Variants in ADGRV1 observed in about 807,000 individuals in gnomAD.
ADGRV1 encodes G-protein coupled receptor 98.
A neutral mutation model predicts 596.2 loss-of-function variants in ADGRV1; 359 were observed. The observed-to-expected ratio is 0.60, with a 90% CI of 0.55 to 0.66. The LOEUF (loss-of-function observed/expected upper bound fraction) is 0.66, where lower values mean the gene tolerates loss of function less well. ADGRV1 is among the 30% of genes least tolerant of loss of function. The pLI is 0.00. For synonymous variants in ADGRV1, 2,681 were observed against 2,679.2 expected (o/e 1.00, Z -0.02); for missense variants, 7,274 against 7,575.6 (o/e 0.96, Z 1.48).
intron 85 of ADGRV1, among the ~76,000 whole-genome samples, chr5:91,030,816 C>A (rs549078368): frequency 2.0e-5 from 3 of 152,218 alleles, no homozygotes; most frequent in South Asian, 2.1e-4. Flanking sequence ...TCAGGCTTTA[C>A]CTAAAAATTC....
At position 90,927,032 on chromosome 5, in the gene ADGRV1, C is replaced by T. The variant is rs543994570; in HGVS notation, c.17857-38383C>T. On this transcript the variant is annotated intron_variant, in intron 83 of 89. Coordinates refer to ENST00000405460, the MANE Select transcript of ADGRV1 (RefSeq NM_032119.4). The stretch of plus-strand genomic sequence containing the variant: ...TATAATCTCTGTTCTTTTACATTTG[C>T]TGAGGAGAGCTTTACTTCCAAGTAT... 1.0e-3 allele frequency among the ~76,000 whole-genome samples: 151 copies of T among 148,338 alleles called. 3 individuals are homozygous for T. The highest frequency in any genetic ancestry group is 7.9e-3 in the South Asian group (37 of 4,684).
chr5:90,763,745 C>T (rs376533404), intron 59 of ADGRV1, among the ~76,000 whole-genome samples: 1 of 152,298 alleles, frequency 6.6e-6, no homozygotes, highest in East Asian at 1.9e-4. Context: ...TATCCATTGT[C>T]TGGCTCCTAC....
chr5:90,919,760 C>T (rs924034092), intron 83 of ADGRV1, among the ~76,000 whole-genome samples: 1 of 151,800 alleles, frequency 6.6e-6, no homozygotes, highest in Non-Finnish European at 1.5e-5. Context: ...TTTGGGAGGC[C>T]GAGGTGGGCG....
At chr5:90,972,755 G>T (rs147473526) in intron 84 of ADGRV1, among the ~76,000 whole-genome samples, 1 of 152,036 alleles carries the variant, frequency 6.6e-6, no homozygotes, top group Non-Finnish European at 1.5e-5. Context: ...AAGCAGGAAC[G>T]ATCTAAAATT....
rs763914286 is a variant in ADGRV1 at position 90,855,746 on chromosome 5, T to G, written c.17600T>G (p.Leu5867Trp). ...CTATTGTGTTTTTGCCCTAGCTGGTTGTCTGACAGTCAGTTTTGCAAAGTG... is the reference window on the plus strand; with the variant it reads ...CTATTGTGTTTTTGCCCTAGCTGGTGGTCTGACAGTCAGTTTTGCAAAGTG... ...LLWNQAAASW[L>W]SDSQFCKVVE... The change falls in exon 82 of 90, where the codon TTG becomes TGG. Residue 5867 changes from leucine (L) to tryptophan (W), a missense_variant. Physicochemically the swap from Leu to Trp is moderately conservative, Grantham distance 61. This residue lies in a region of ADGRV1 where 1,874 missense variants were observed against 1,970.2 expected (regional missense o/e 0.95). Transcript: ENST00000405460. The G allele has an allele frequency of 6.4e-7, 1 of 1,573,334 alleles. No homozygotes were observed. The highest frequency in any genetic ancestry group is 1.2e-5 in the South Asian group (1 of 83,006).
intron 70 of ADGRV1, among the ~76,000 whole-genome samples, chr5:90,797,852 C>A (rs1760924189): frequency 6.6e-6 from 1 of 151,324 alleles, no homozygotes; most frequent in African/African-American, 2.4e-5. Flanking sequence ...AAAATGAAGG[C>A]AGAAATAAAG....
At chr5:91,086,611 C>G (rs1418364334) in intron 86 of ADGRV1, among the ~76,000 whole-genome samples, 2 of 152,102 alleles carry the variant, frequency 1.3e-5, no homozygotes, top group Admixed American at 6.6e-5. Flanking sequence ...GTCCCACAAT[C>G]TGTATATTTT....
chr5:90,981,456 AGTTTGCATGTTCTCCCCAT>A (rs1046277551), intron 84 of ADGRV1, among the ~76,000 whole-genome samples: 23 of 151,990 alleles, frequency 1.5e-4, no homozygotes, highest in Admixed American at 1.3e-3. Context: ...TTCACAGTGG[AGTTTGCATGTTCTCCCCAT>A]GTTTGCATGG....
At chr5:90,731,381 C>T (rs1226873293) in intron 50 of ADGRV1, among the ~76,000 whole-genome samples, 4 of 152,192 alleles carry the variant, frequency 2.6e-5, no homozygotes, top group African/African-American at 7.2e-5. Flanking sequence ...CACCAGGTCC[C>T]TCCCCCAACA....
intron 87 of ADGRV1, among the ~76,000 whole-genome samples, chr5:91,137,755 T>C (rs940610700): frequency 2.6e-5 from 4 of 152,206 alleles, no homozygotes; most frequent in African/African-American, 9.6e-5. Flanking sequence ...TTAGACTACA[T>C]GAGTGGCCAT....
At chr5:90,686,362 C>G (rs57255621) in intron 29 of ADGRV1, among the ~76,000 whole-genome samples, 2 of 152,032 alleles carry the variant, frequency 1.3e-5, no homozygotes, top group Non-Finnish European at 2.9e-5. Context: ...TATCCCTCCC[C>G]GCTCCCCACA....
chr5:90,943,775 T>C (rs973969308), intron 83 of ADGRV1, among the ~76,000 whole-genome samples: 1 of 152,152 alleles, frequency 6.6e-6, no homozygotes, highest in African/African-American at 2.4e-5. Context: ...TGTGGTCACA[T>C]GGCCTTCTTC....
chr5:91,016,412 T>G (rs1357136024), intron 85 of ADGRV1, among the ~76,000 whole-genome samples: 1 of 151,998 alleles, frequency 6.6e-6, no homozygotes, highest in Non-Finnish European at 1.5e-5. Flanking sequence ...GAAAAATTAC[T>G]TGTGACCCAG....
intron 1 of ADGRV1, among the ~76,000 whole-genome samples, chr5:90,602,645 C>A (rs1009890976): frequency 6.6e-6 from 1 of 152,094 alleles, no homozygotes; most frequent in Non-Finnish European, 1.5e-5. Flanking sequence ...AATGTCACAG[C>A]CAAAAGGAGC....
Position 90,790,844 on chromosome 5 carries a change from CTT to C in ADGRV1, c.14044-27_14044-26del, listed in dbSNP as rs780841573. On this transcript the variant is annotated intron_variant, in intron 69 of 89. Coordinates refer to ENST00000405460, the MANE Select transcript of ADGRV1 (RefSeq NM_032119.4). ...TGGTGCAATATACTGAATTATATAA[CTT>C]TGTTGAGTTTTTTTCTTTTATTTTA... The C allele has an allele frequency of 7.6e-6, 11 of 1,453,072 alleles. No homozygotes were observed. In the Admixed American group the frequency reaches 2.0e-4, roughly 26 times the overall value. The allele number at this position is 1,453,072 out of a possible 1,614,324, so 90.0% of individuals were successfully genotyped here. A position where few individuals can be genotyped will look rare whatever the true frequency, so the allele number is the denominator to read the frequency against.
chr5:90,753,735 C>G lies in ADGRV1; in HGVS notation c.11283C>G (p.Ser3761Arg). The G allele has an allele frequency of 6.2e-7, 1 of 1,613,546 alleles. No individual in the cohort carries two copies. Among genetic ancestry groups the G allele is most frequent in the Non-Finnish European group, 8.5e-7 (1 of 1,179,624 alleles). Residue 3761 changes from serine to arginine, a missense_variant, in exon 54 of 90, where the codon AGC becomes AGG. This residue lies in a region of ADGRV1 where 3,643 missense variants were observed against 3,809.2 expected (regional missense o/e 0.96). Coordinates refer to ENST00000405460, the MANE Select transcript of ADGRV1 (RefSeq NM_032119.4). ...GTGCTACTATTGATCAGGACAGAAG[C>G]AAGTCTGTTATAACAACTTTGCCCA... ...YKGATIDQDR[S>R]KSVITTLPND...
At chr5:90,857,352 C>A (rs1332688092) in intron 82 of ADGRV1, among the ~76,000 whole-genome samples, 2 of 151,586 alleles carry the variant, frequency 1.3e-5, no homozygotes, top group African/African-American at 4.8e-5. Context: ...GCTGCTATGA[C>A]CCACAAAATC....
intron 83 of ADGRV1, among the ~76,000 whole-genome samples, chr5:90,939,958 G>C (rs941796120): frequency 4.6e-5 from 7 of 152,152 alleles, no homozygotes; most frequent in Non-Finnish European, 1.0e-4. Flanking sequence ...CATGTAAGAA[G>C]TTCCTGTCAT....
At chr5:91,102,897 G>C (rs1003491778) in intron 87 of ADGRV1, among the ~76,000 whole-genome samples, 3 of 152,178 alleles carry the variant, frequency 2.0e-5, no homozygotes, top group Admixed American at 6.6e-5. Flanking sequence ...TGAAAGCTGA[G>C]ATTTTTAGTA....
Sources: gnomAD v4.1 joint callset for allele counts (sites outside exome capture counted in the v4.1 genomes callset) on GRCh38, gnomAD v4.1.1 for gene constraint, gnomAD v4.1.1 regional missense constraint, MANE v1.5 for transcripts, NCBI Gene and HGNC (gene_info 2026-07-23, HGNC 2026-07-21) for gene names.